Variants in GLB1L2 observed in about 807,000 individuals in gnomAD.
The protein encoded by GLB1L2 is galactosidase beta 1 like 2.
In GLB1L2, 68 loss-of-function variants were observed where a neutral mutation model predicts 84.1. The observed-to-expected ratio is 0.81, with a 90% CI of 0.67 to 0.99. The LOEUF (loss-of-function observed/expected upper bound fraction) is 0.99, where lower values mean the gene tolerates loss of function less well. Ranked by LOEUF, GLB1L2 falls within the 50% of genes least tolerant of loss-of-function variation. The pLI, the probability that GLB1L2 is intolerant of heterozygous loss-of-function variation, is 0.00. For synonymous variants in GLB1L2, 290 were observed against 318.0 expected (o/e 0.91, Z 0.94); for missense variants, 762 against 805.6 (o/e 0.95, Z 0.66).
At chr11:134,352,320 AG>A (rs1431200332) in intron 5 of GLB1L2, among the ~76,000 whole-genome samples, 11 of 152,124 alleles carry the variant, frequency 7.2e-5, no homozygotes, top group Non-Finnish European at 4.4e-5. Flanking sequence ...TTCTGATTTT[AG>A]TTGAGTCATA....
At chr11:134,366,859 G>A (rs955619040) in intron 8 of GLB1L2, among the ~76,000 whole-genome samples, 1 of 152,068 alleles carries the variant, frequency 6.6e-6, no homozygotes, top group Admixed American at 6.5e-5. Context: ...CAGGGTGGGG[G>A]GGAGGGATCT....
chr11:134,344,166 G>A (rs982147747), intron 2 of GLB1L2, among the ~76,000 whole-genome samples: 52 of 152,284 alleles, frequency 3.4e-4, no homozygotes, highest in East Asian at 1.7e-3. Context: ...TTACTCAGCC[G>A]GTCTTATGCT....
intron 8 of GLB1L2, among the ~76,000 whole-genome samples, chr11:134,365,974 T>C (rs2136284829): frequency 6.6e-6 from 1 of 152,362 alleles, no homozygotes; most frequent in South Asian, 2.1e-4. Context: ...CTCTCCCGTT[T>C]AATTCTCCCA....
chr11:134,373,894 T>A, intron 16 of GLB1L2, 86 bp downstream of exon 16: 1 of 1,017,762 alleles, frequency 9.8e-7, no homozygotes, highest in Non-Finnish European at 1.5e-6. Flanking sequence ...CACCGTGGCC[T>A]GGCCCGCACC....
intron 7 of GLB1L2, 67 bp from the exon 8 acceptor site, chr11:134,364,261 G>A (rs2136283447): frequency 8.0e-7 from 1 of 1,256,716 alleles, no homozygotes; most frequent in Non-Finnish European, 1.2e-6. Flanking sequence ...AAGGGTCTGG[G>A]GTCACCTAGA....
At chr11:134,369,069 C>T (rs2136287212) in intron 10 of GLB1L2, among the ~76,000 whole-genome samples, 1 of 152,276 alleles carries the variant, frequency 6.6e-6, no homozygotes, top group African/African-American at 2.4e-5. Context: ...GGGACGGTGG[C>T]CTCCCCTCCC....
At position 134,375,195 on chromosome 11, in the gene GLB1L2, C is replaced by G; in HGVS notation, c.*137C>G. 1.5e-6 allele frequency: 1 copy of G among 652,070 alleles called. No individual in the cohort carries two copies. Among genetic ancestry groups the G allele is most frequent in the Non-Finnish European group, 2.7e-6 (1 of 375,884 alleles). The allele number at this position is 652,070 out of a possible 1,614,324, so 40.4% of individuals were successfully genotyped here. ...AACCTCAGGGACTGGGGGCTACAGT[C>G]TGCCCCTGTCTCAGCTCAAAACCCT... On this transcript the variant is annotated 3_prime_UTR_variant, in exon 19 of 19. Coordinates refer to ENST00000535456, the MANE Select transcript of GLB1L2 (RefSeq NM_001370461.1).
At chr11:134,364,844 G>C (rs909563546) in intron 8 of GLB1L2, 2 of 158,368 alleles carry the variant, frequency 1.3e-5, no homozygotes, top group African/African-American at 4.8e-5. Context: ...GAGAGAGGGA[G>C]GAGTTTCCAG....
In GLB1L2 at chr11:134,371,488, T is replaced by G; in HGVS notation, c.1424T>G (p.Ile475Ser). The G allele has an allele frequency of 6.3e-7, 1 of 1,577,882 alleles. No individual in the cohort carries two copies. The highest frequency in any genetic ancestry group is 1.1e-5 in the South Asian group (1 of 90,328). Residue 475 changes from isoleucine (I) to serine (S), a missense_variant, in exon 14 of 19, where the codon ATC becomes AGC. Ile to Ser is a moderately radical substitution (Grantham distance 142). Around this residue, in one of 3 missense-constraint regions of GLB1L2, gnomAD observed 603 missense variants for 611.7 expected, o/e 0.99. Coordinates refer to ENST00000535456, the MANE Select transcript of GLB1L2 (RefSeq NM_001370461.1). ...YKTTKIAVPL[I>S]QGYTVLRILV... ...ACAACGAAGATTGCTGTCCCCCTGA[T>G]CCAGGTTCGTTGTTTTTGGGAGCTG...
At chr11:134,342,239 G>T (rs902946100) in intron 1 of GLB1L2, among the ~76,000 whole-genome samples, 3 of 152,150 alleles carry the variant, frequency 2.0e-5, no homozygotes, top group African/African-American at 7.2e-5. Context: ...CACCTCGTGG[G>T]GGGTGCGCGG....
In GLB1L2 at chr11:134,332,109, CCTG is replaced by C; in HGVS notation, c.55_57del (p.Leu19del). On this transcript the variant is annotated inframe_deletion, in exon 1 of 19. Transcript: ENST00000535456. ...GGAGGCCGGCCCGCACGCTGGGACTCCTGCTGCTGGTCGTCTTGGGCTTCCTGG... is the reference window on the plus strand; with the variant it reads ...GGAGGCCGGCCCGCACGCTGGGACTCCTGCTGGTCGTCTTGGGCTTCCTGG... 1 of 1,591,522 alleles carries C rather than the reference CCTG, an allele frequency of 6.3e-7. No homozygotes were observed. The highest frequency in any genetic ancestry group is 8.5e-7 in the Non-Finnish European group (1 of 1,170,868).
Position 134,356,408 on chromosome 11 carries a change from A to G in GLB1L2, c.651+15A>G. 1 of 1,582,450 alleles carries G rather than the reference A, an allele frequency of 6.3e-7. No homozygotes were observed. The highest frequency in any genetic ancestry group is 8.7e-7 in the Non-Finnish European group (1 of 1,151,542). On this transcript the variant is annotated intron_variant, in intron 6 of 18. Transcript: ENST00000535456. ...ACGTCAAGAAGGTAAGAATCCTCTTAGTGCGTTTCTTTAGATTCCTTCCTC... is the reference window on the plus strand; with the variant it reads ...ACGTCAAGAAGGTAAGAATCCTCTTGGTGCGTTTCTTTAGATTCCTTCCTC...
In GLB1L2 at chr11:134,370,214, G is replaced by A; in HGVS notation, c.1109-79G>A. ...GGACGCAGGAGCACATCGGGTCTGT[G>A]GATGGGAGCCGGGTGGGGAGGACGA... On this transcript the variant is annotated intron_variant, in intron 11 of 18. Coordinates refer to ENST00000535456, the MANE Select transcript of GLB1L2 (RefSeq NM_001370461.1). The surrounding 1 kb of genome is among the most constrained non-coding windows in gnomAD (Gnocchi z 4.7). The A allele has an allele frequency of 8.3e-7, 1 of 1,200,174 alleles. No homozygotes were observed. The highest frequency in any genetic ancestry group is 1.2e-6 in the Non-Finnish European group (1 of 806,938). 74.3% of individuals were successfully genotyped at this position (1,200,174 alleles called of 1,614,324 possible). A position where few individuals can be genotyped will look rare whatever the true frequency, so the allele number is the denominator to read the frequency against.
At chr11:134,365,724 T>A (rs1943860116) in intron 8 of GLB1L2, among the ~76,000 whole-genome samples, 1 of 152,174 alleles carries the variant, frequency 6.6e-6, no homozygotes, top group African/African-American at 2.4e-5. Flanking sequence ...GCTGAAGGGC[T>A]TTATGTGCGC....
chr11:134,374,368 G>C (rs1210120897), intron 17 of GLB1L2, 112 bp downstream of exon 17: 2 of 917,598 alleles, frequency 2.2e-6, no homozygotes, highest in African/African-American at 1.6e-5. Flanking sequence ...TGTGCCCAGA[G>C]GGTCTGAGAG....
rs771042266 is a variant in GLB1L2, at chr11:134,359,102, GACA to G, written c.699_701del (p.Asn233del). 7.5e-6 allele frequency: 12 copies of G among 1,604,386 alleles called. No individual in the cohort carries two copies. The highest frequency in any genetic ancestry group is 5.6e-5 in the South Asian group (5 of 89,296). On this transcript the variant is annotated inframe_deletion, in exon 7 of 19. Coordinates refer to ENST00000535456, the MANE Select transcript of GLB1L2 (RefSeq NM_001370461.1). ...CATTGTGGAACTGCTCCTGACTTCA[GACA>G]ACAAGGATGGGCTGAGCAAGGGGAT...
chr11:134,343,073 T>C, intron 2 of GLB1L2, 122 bp downstream of exon 2: 2 of 915,738 alleles, frequency 2.2e-6, no homozygotes, highest in South Asian at 3.5e-5. Flanking sequence ...AGCCAGGGTC[T>C]CCCTCCTCCT....
At chr11:134,367,826 G>A (rs1270633243) in intron 9 of GLB1L2, among the ~76,000 whole-genome samples, 1 of 152,224 alleles carries the variant, frequency 6.6e-6, no homozygotes, top group Non-Finnish European at 1.5e-5. Flanking sequence ...TTTAAAGAAT[G>A]TGAAGAGCCC....
Position 134,373,754 on chromosome 11 carries a change from C to A in GLB1L2, c.1541C>A (p.Pro514His). 6.2e-7 allele frequency: 1 copy of A among 1,613,108 alleles called. No homozygotes were observed. The highest frequency in any genetic ancestry group is 8.5e-7 in the Non-Finnish European group (1 of 1,179,162). ...LIGNLYLNDS[P>H]LKNFRIYSLD... is the part of the protein sequence containing the mutation. ...GGAAATCTCTATCTGAATGATTCAC[C>A]CCTGAAAAACTTCAGAATCTATAGC... is the stretch of plus-strand genomic sequence containing the variant. Residue 514 changes from proline (P) to histidine (H), a missense_variant, in exon 16 of 19, where the codon CCC (proline) becomes CAC (histidine). By Grantham distance (77) the Pro-to-His change is moderately conservative. Around this residue, in one of 3 missense-constraint regions of GLB1L2, gnomAD observed 603 missense variants for 611.7 expected, o/e 0.99. Transcript: ENST00000535456.
Sources: allele counts gnomAD v4.1 joint callset (sites outside exome capture counted in the v4.1 genomes callset), GRCh38; gene constraint gnomAD v4.1.1; regional missense constraint gnomAD v4.1.1; non-coding constraint Gnocchi (gnomAD v3.1); transcripts MANE v1.5; gene names NCBI Gene and HGNC (gene_info 2026-07-23, HGNC 2026-07-21).